The following TIAM1 variants were observed in gnomAD, a reference collection of about 807,000 sequenced individuals.
The protein encoded by TIAM1 is rho guanine nucleotide exchange factor TIAM1.
Under a neutral mutation model 163.5 loss-of-function variants are expected in TIAM1, and 65 were observed. The ratio of observed to expected loss-of-function variants is 0.40; its 90% confidence interval spans 0.33 to 0.49. TIAM1 has a LOEUF of 0.49. Ranked by LOEUF, TIAM1 falls within the 20% of genes least tolerant of loss-of-function variation. The pLI is 0.77. For synonymous variants in TIAM1, 833 were observed against 810.1 expected, an observed-to-expected ratio of 1.03 and a Z score of -0.48; for missense variants, 1,789 against 2,044.7, an observed-to-expected ratio of 0.87 and a Z score of 2.41.
Position 31,425,046 on chromosome 21 carries a change from C to T in TIAM1, c.-369+38937G>A, listed in dbSNP as rs111791174. Among the ~76,000 whole-genome samples, 1,284 of 150,676 alleles carry T rather than the reference C, an allele frequency of 8.5e-3. 20 individuals are homozygous for T. The highest frequency in any genetic ancestry group is 0.03 in the African/African-American group (1,209 of 40,770). Reference sequence around the variant, plus strand: ...CCAGTCCAGGCAACAGAGCAGGACTCCGTCTCAAACAAAAAAAAAAAAAGA... The same window carrying T: ...CCAGTCCAGGCAACAGAGCAGGACTTCGTCTCAAACAAAAAAAAAAAAAGA... On this transcript the variant is annotated intron_variant, in intron 2 of 28. Coordinates refer to the TIAM1 transcript ENST00000286827.
At chr21:31,127,412 CTTTT>C (rs199978005) in intron 25 of TIAM1, among the ~76,000 whole-genome samples, 4 of 140,766 alleles carry the variant, frequency 2.8e-5, no homozygotes, top group Middle Eastern at 3.6e-3. Flanking sequence ...ATGGACCGAA[CTTTT>C]TTTTTTTTTT....
chr21:31,508,314 C>T (rs116951744), intron 1 of TIAM1, among the ~76,000 whole-genome samples: 4 of 151,732 alleles, frequency 2.6e-5, no homozygotes, highest in African/African-American at 9.7e-5. Flanking sequence ...AGGTTGGATT[C>T]TTTTCTACCT....
intron 2 of TIAM1, among the ~76,000 whole-genome samples, chr21:31,359,918 T>C (rs1005757691): frequency 5.9e-5 from 9 of 151,506 alleles, no homozygotes; most frequent in African/African-American, 2.2e-4. Flanking sequence ...AAAAGAGAAC[T>C]GGACTGAAGA....
chr21:31,241,261 T>A (rs947632794), intron 6 of TIAM1, among the ~76,000 whole-genome samples: 30 of 152,222 alleles, frequency 2.0e-4, no homozygotes, highest in African/African-American at 7.2e-4. Flanking sequence ...TGTATAAGGC[T>A]GTCCACAAGC....
At chr21:31,480,568 C>T (rs2046078392) in intron 1 of TIAM1, among the ~76,000 whole-genome samples, 1 of 152,170 alleles carries the variant, frequency 6.6e-6, no homozygotes. Flanking sequence ...CACATTGCCG[C>T]ATGCCAGAGT....
intron 27 of TIAM1, among the ~76,000 whole-genome samples, chr21:31,123,222 T>A (rs955060783): frequency 2.6e-4 from 39 of 152,226 alleles, no homozygotes; most frequent in Admixed American, 8.5e-4. Context: ...GTTCATTGAT[T>A]AACAACTGAA....
chr21:31,298,410 C>T (rs1361405342), intron 2 of TIAM1, among the ~76,000 whole-genome samples: 1 of 152,160 alleles, frequency 6.6e-6, no homozygotes, highest in Non-Finnish European at 1.5e-5. Flanking sequence ...GTTAGTGTGT[C>T]ATGGTGACTA....
intron 2 of TIAM1, among the ~76,000 whole-genome samples, chr21:31,427,404 G>A (rs181879599): frequency 6.9e-4 from 104 of 151,824 alleles, no homozygotes; most frequent in African/African-American, 2.3e-3. Flanking sequence ...GGAGAATGGC[G>A]TGAACCTGGA....
At chr21:31,222,707 A>ATTTTTT (rs527864043) in intron 8 of TIAM1, among the ~76,000 whole-genome samples, 8 of 32,886 alleles carry the variant, frequency 2.4e-4, no homozygotes, top group East Asian at 1.9e-3. Context: ...ATATATATAT[A>ATTTTTT]TTTTTTTTTT....
chr21:31,146,526 C>T (rs1260094130), intron 20 of TIAM1, among the ~76,000 whole-genome samples: 5 of 150,080 alleles, frequency 3.3e-5, no homozygotes, highest in Admixed American at 1.3e-4. Context: ...GCCTGGCCAA[C>T]GTGGCGAAAC....
At chr21:31,401,602 G>A (rs905257771) in intron 2 of TIAM1, among the ~76,000 whole-genome samples, 1 of 152,094 alleles carries the variant, frequency 6.6e-6, no homozygotes, top group East Asian at 1.9e-4. Context: ...GTGAATACAT[G>A]ACTCAGTATT....
intron 2 of TIAM1, among the ~76,000 whole-genome samples, chr21:31,367,805 C>G (rs1013159445): frequency 6.6e-6 from 1 of 152,044 alleles, no homozygotes; most frequent in Non-Finnish European, 1.5e-5. Context: ...ATTATATTTT[C>G]CACATCCTCA....
intron 2 of TIAM1, among the ~76,000 whole-genome samples, chr21:31,314,232 C>T (rs969784735): frequency 1.3e-5 from 2 of 152,050 alleles, no homozygotes; most frequent in Non-Finnish European, 2.9e-5. Flanking sequence ...TCACACTGAC[C>T]CTTGGCAAGG....
intron 2 of TIAM1, among the ~76,000 whole-genome samples, chr21:31,447,201 C>G (rs1303690887): frequency 6.6e-6 from 1 of 152,138 alleles, no homozygotes; most frequent in Non-Finnish European, 1.5e-5. Context: ...CCAGCCTGAC[C>G]AACAAAGGGA....
chr21:31,222,339 C>T (rs1351698118), intron 8 of TIAM1, among the ~76,000 whole-genome samples: 2 of 152,080 alleles, frequency 1.3e-5, no homozygotes, highest in African/African-American at 4.8e-5. Context: ...AGACTAAAAC[C>T]ATGTTACTCA....
chr21:31,146,783 A>G (rs987003346), intron 20 of TIAM1, 112 bp downstream of exon 20: 5 of 758,992 alleles, frequency 6.6e-6, no homozygotes, highest in African/African-American at 5.3e-5. Context: ...TTGCTGGAAC[A>G]TCTATCTGGC....
chr21:31,176,783 A>G (rs1006883577), intron 15 of TIAM1, among the ~76,000 whole-genome samples: 5 of 152,102 alleles, frequency 3.3e-5, no homozygotes, highest in Non-Finnish European at 5.9e-5. Context: ...AGGGAGCAGT[A>G]ACCAGGAAGA....
At chr21:31,366,861 A>G (rs1037609581) in intron 2 of TIAM1, among the ~76,000 whole-genome samples, 2 of 151,822 alleles carry the variant, frequency 1.3e-5, no homozygotes, top group Admixed American at 1.3e-4. Context: ...CATGTGATCC[A>G]CCCGCCTCAG....
At chr21:31,359,158 T>A (rs139259182) in intron 2 of TIAM1, among the ~76,000 whole-genome samples, 171 of 152,236 alleles carry the variant, frequency 1.1e-3, no homozygotes, top group African/African-American at 3.8e-3. Flanking sequence ...CCAAAGCAGG[T>A]CTACTTTGCT....
Sources: allele counts gnomAD v4.1 joint callset (sites outside exome capture counted in the v4.1 genomes callset), GRCh38; gene constraint gnomAD v4.1.1; transcripts MANE v1.5; gene names NCBI Gene and HGNC (gene_info 2026-07-23, HGNC 2026-07-21).